The following AZIN1 variants were observed in gnomAD, a reference collection of about 807,000 sequenced individuals.
AZIN1 encodes the protein ornithine decarboxylase antizyme inhibitor.
AZIN1 carries 12 observed loss-of-function variants against 47.4 expected under a neutral mutation model. The ratio of observed to expected loss-of-function variants is 0.25; its 90% CI spans 0.16 to 0.41. The LOEUF is 0.41. AZIN1 is among the 10% of genes least tolerant of loss of function. AZIN1 has a pLI of 1.00. For missense variants in AZIN1, 410 were observed against 532.4 expected (o/e 0.77, Z 2.26); for synonymous variants, 155 against 176.3 (o/e 0.88, Z 0.96).
chr8:102,846,570 T>C lies in AZIN1; in HGVS notation c.-95-2823A>G, dbSNP rs552182505. ...AGTAGGTTAGCTCTAGAGATACTAA[T>C]GATCAAACTACATTTAAAACAATAT... On this transcript the variant is annotated intron_variant, in intron 2 of 11. Transcript: ENST00000337198. 4.2e-4 allele frequency among the ~76,000 whole-genome samples: 64 copies of C among 152,270 alleles called. No homozygotes were observed. The South Asian group carries it at 0.012, about 29-fold the overall frequency.
Position 102,828,389 on chromosome 8 carries a change from T to TC in AZIN1, c.*177dup. ...GATACATTATCTAAATCTCCCATTA[T>TC]CCCCAATGAATTATAGATGAAAGCT... On this transcript the variant is annotated 3_prime_UTR_variant, in exon 12 of 12. Coordinates refer to ENST00000337198, the MANE Select transcript of AZIN1 (RefSeq NM_148174.4). The TC allele has an allele frequency of 2.1e-6, 1 of 468,588 alleles. No individual in the cohort carries two copies. The highest frequency in any genetic ancestry group is 3.8e-6 in the Non-Finnish European group (1 of 260,136). The allele number at this position is 468,588 out of a possible 1,614,324, so 29.0% of individuals were successfully genotyped here.
At chr8:102,855,181 C>T (rs1021621110) in intron 2 of AZIN1, among the ~76,000 whole-genome samples, 10 of 151,582 alleles carry the variant, frequency 6.6e-5, no homozygotes, top group Non-Finnish European at 1.0e-4. Flanking sequence ...CAGCCTCCCA[C>T]GAGTAGTTGG....
chr8:102,857,590 A>G (rs1813374100), intron 2 of AZIN1, among the ~76,000 whole-genome samples: 1 of 152,182 alleles, frequency 6.6e-6, no homozygotes, highest in Non-Finnish European at 1.5e-5. Flanking sequence ...ATATTTAGAT[A>G]CATATATAAA....
rs755941579 is a variant in AZIN1 at position 102,839,794 on chromosome 8, A to T, written c.132T>A (p.Asp44Glu). ...LTGKNAFFVG[D>E]LGKIVKKHSQ... Reference sequence around the variant, plus strand: ...TGTGTTTCTTCACAATCTTTCCAAGATCTCCCACAAAAAATGCATTTTTCC... The same window carrying T: ...TGTGTTTCTTCACAATCTTTCCAAGTTCTCCCACAAAAAATGCATTTTTCC... Residue 44 changes from aspartate (D) to glutamate (E), a missense_variant, in exon 4 of 12, where the codon GAT becomes GAA. Transcript: ENST00000337198. The T allele has an allele frequency of 6.2e-7, 1 of 1,601,226 alleles. No individual in the cohort carries two copies. The highest frequency in any genetic ancestry group is 1.7e-5 in the Admixed American group (1 of 57,808).
chr8:102,863,165 C>G (rs1171137823), intron 1 of AZIN1, among the ~76,000 whole-genome samples: 1 of 152,216 alleles, frequency 6.6e-6, no homozygotes, highest in Non-Finnish European at 1.5e-5. Context: ...CCGGGGCTTC[C>G]CCGCCGCCAG....
chr8:102,845,210 C>T (rs915334432), intron 2 of AZIN1, among the ~76,000 whole-genome samples: 1 of 148,638 alleles, frequency 6.7e-6, no homozygotes, highest in African/African-American at 2.5e-5. Flanking sequence ...AAAGTATACT[C>T]CATTTCGATG....
chr8:102,846,896 C>A (rs988937825), intron 2 of AZIN1, among the ~76,000 whole-genome samples: 2 of 152,142 alleles, frequency 1.3e-5, no homozygotes, highest in African/African-American at 4.8e-5. Flanking sequence ...TAAATTAAGA[C>A]TTTTATAGAA....
intron 2 of AZIN1, among the ~76,000 whole-genome samples, chr8:102,845,731 A>G (rs1335102273): frequency 1.3e-5 from 2 of 152,214 alleles, no homozygotes; most frequent in Admixed American, 1.3e-4. Flanking sequence ...TTTTTGGCAT[A>G]GCAGCCAGTT....
At position 102,864,152 on chromosome 8, in the gene AZIN1, G is replaced by T; in HGVS notation, c.-579C>A. 1 of 181,316 alleles carries T rather than the reference G, an allele frequency of 5.5e-6. No homozygotes were observed. 11.2% of individuals were successfully genotyped at this position (181,316 alleles called of 1,614,324 possible). A position where few individuals can be genotyped will look rare whatever the true frequency, so the allele number is the denominator to read the frequency against. ...AGGAAAAACTGCGGCCGCGATCAGA[G>T]CCTGAAAGTGTGAGAAGGCGGCGCC... On this transcript the variant is annotated 5_prime_UTR_variant, in exon 1 of 12. Coordinates refer to ENST00000337198, the MANE Select transcript of AZIN1 (RefSeq NM_148174.4).
intron 5 of AZIN1, among the ~76,000 whole-genome samples, chr8:102,837,889 C>T (rs146154653): frequency 3.9e-4 from 59 of 152,306 alleles, no homozygotes; most frequent in African/African-American, 1.4e-3. Context: ...TCTCGATATA[C>T]CAGTTTGTGA....
At position 102,826,500 on chromosome 8, in the gene AZIN1, C is replaced by T. The variant is rs1483836858; in HGVS notation, c.*2067G>A. 1 of 152,616 alleles carries T rather than the reference C, an allele frequency of 6.6e-6. No homozygotes were observed. Among genetic ancestry groups the T allele is most frequent in the Non-Finnish European group, 1.5e-5 (1 of 68,028 alleles). 9.5% of individuals were successfully genotyped at this position (152,616 alleles called of 1,614,324 possible). On this transcript the variant is annotated 3_prime_UTR_variant, in exon 12 of 12. Transcript: ENST00000337198. ...TACAATATTATAACAAAAAACTTTA[C>T]ATTAATTCAGAACTTTTTAGCATAC...
intron 2 of AZIN1, among the ~76,000 whole-genome samples, chr8:102,846,046 T>C (rs563124765): frequency 2.0e-5 from 3 of 152,350 alleles, no homozygotes; most frequent in Admixed American, 2.0e-4. Context: ...GCTAAGTCTC[T>C]GGGCATAGTC....
intron 1 of AZIN1, among the ~76,000 whole-genome samples, chr8:102,862,752 A>C (rs1410972432): frequency 6.6e-6 from 1 of 152,238 alleles, no homozygotes; most frequent in East Asian, 1.9e-4. Context: ...ACACGACGGG[A>C]CACAGAACTA....
intron 2 of AZIN1, among the ~76,000 whole-genome samples, chr8:102,845,594 G>C (rs1378034581): frequency 1.3e-5 from 2 of 152,008 alleles, no homozygotes; most frequent in African/African-American, 4.8e-5. Context: ...GCAATTTAAA[G>C]CACCAATTTT....
At chr8:102,859,095 G>A (rs1050535095) in intron 1 of AZIN1, 9 of 151,056 alleles carry the variant, frequency 6.0e-5, no homozygotes, top group Non-Finnish European at 1.0e-4. Flanking sequence ...CCAGGATCAA[G>A]GCACTCCTGG....
intron 2 of AZIN1, chr8:102,855,404 G>A (rs900008404): frequency 3.3e-5 from 5 of 152,012 alleles, no homozygotes; most frequent in Non-Finnish European, 5.9e-5. Context: ...TCACAATTAG[G>A]GGCCCATTAA....
chr8:102,837,579 CA>C (rs1264747165), intron 5 of AZIN1, among the ~76,000 whole-genome samples: 5 of 152,182 alleles, frequency 3.3e-5, no homozygotes, highest in Non-Finnish European at 7.3e-5. Context: ...TGCCAGTCCA[CA>C]ATCTAACATA....
At chr8:102,848,323 CAAAAAAAAAAAAA>C (rs60663839) in intron 2 of AZIN1, among the ~76,000 whole-genome samples, 2 of 91,588 alleles carry the variant, frequency 2.2e-5, no homozygotes, top group African/African-American at 7.8e-5. Flanking sequence ...ACTAAAAGGC[CAAAAAAAAAAAAA>C]AAAAAAAAAG....
At chr8:102,857,655 TAAAAA>T (rs1168084160) in intron 2 of AZIN1, among the ~76,000 whole-genome samples, 1 of 152,170 alleles carries the variant, frequency 6.6e-6, no homozygotes. Flanking sequence ...GCAAGTCCTC[TAAAAA>T]CAATCAGTTA....
Sources: gnomAD v4.1 joint callset for allele counts (sites outside exome capture counted in the v4.1 genomes callset) on GRCh38, gnomAD v4.1.1 for gene constraint, MANE v1.5 for transcripts, NCBI Gene and HGNC (gene_info 2026-07-23, HGNC 2026-07-21) for gene names.